The following RNF24 variants were observed in gnomAD, a reference collection of about 807,000 sequenced individuals.
RNF24 encodes the protein ring finger protein 24.
Under a neutral mutation model 20.0 loss-of-function variants are expected in RNF24, and 14 were observed. That is an observed-to-expected ratio of 0.70 (90% CI 0.46 to 1.10). The LOEUF (loss-of-function observed/expected upper bound fraction) is 1.10, where lower values mean the gene tolerates loss of function less well. Ranked by LOEUF, RNF24 falls within the 50% of genes least tolerant of loss-of-function variation. The probability of loss-of-function intolerance (pLI) is 0.00; values close to 1 mark genes in which losing one functional copy is unlikely to be tolerated. For synonymous variants in RNF24, 45 were observed against 61.1 expected (o/e 0.74, Z 1.23); for missense variants, 124 against 177.6 (o/e 0.70, Z 1.71).
chr20:3,985,358 G>T (rs1264336270), intron 1 of RNF24, among the ~76,000 whole-genome samples: 3 of 152,066 alleles, frequency 2.0e-5, no homozygotes, highest in Middle Eastern at 3.4e-3. Flanking sequence ...AGAGTAGCTG[G>T]GCTTATAGAT....
intron 1 of RNF24, among the ~76,000 whole-genome samples, chr20:3,983,732 G>A (rs1568650258): frequency 6.6e-6 from 1 of 151,980 alleles, no homozygotes; most frequent in Non-Finnish European, 1.5e-5. Context: ...CCTGAGGTCA[G>A]ATGTTTGAGA....
At chr20:3,968,408 A>G (rs2091282148) in intron 1 of RNF24, among the ~76,000 whole-genome samples, 1 of 152,216 alleles carries the variant, frequency 6.6e-6, no homozygotes, top group Non-Finnish European at 1.5e-5. Flanking sequence ...CAGGGATTTG[A>G]GACCAGCCTG....
intron 1 of RNF24, among the ~76,000 whole-genome samples, chr20:3,988,739 G>A (rs985900077): frequency 4.6e-5 from 7 of 152,092 alleles, no homozygotes; most frequent in Admixed American, 1.3e-4. Flanking sequence ...GATTACAAGC[G>A]TGAGCCACAG....
Position 3,927,426 on chromosome 20 carries a change from A to G in RNF24, c.*6637T>C, listed in dbSNP as rs1288821632. The stretch of plus-strand genomic sequence containing the variant: ...TAAAATAGCAATTAAATATACAAAA[A>G]TATAGCTTACAAAAAACTGCGAATG... On this transcript the variant is annotated 3_prime_UTR_variant, in exon 6 of 6. Coordinates refer to ENST00000358395, the MANE Select transcript of RNF24 (RefSeq NM_001134337.3). 2 of 152,230 alleles carry G rather than the reference A, an allele frequency of 1.3e-5. No individual in the cohort carries two copies. Among genetic ancestry groups the G allele is most frequent in the Admixed American group, 6.5e-5 (1 of 15,290 alleles). The allele number at this position is 152,230 out of a possible 1,614,324, so 9.4% of individuals were successfully genotyped here. A position where few individuals can be genotyped will look rare whatever the true frequency, so the allele number is the denominator to read the frequency against.
intron 2 of RNF24, among the ~76,000 whole-genome samples, chr20:3,962,368 A>G (rs528339095): frequency 1.4e-4 from 22 of 152,268 alleles, no homozygotes; most frequent in African/African-American, 5.1e-4. Flanking sequence ...AATAATAATA[A>G]TAACAATAAA....
intron 3 of RNF24, among the ~76,000 whole-genome samples, 170 bp downstream of exon 3, chr20:3,948,064 GAGA>G (rs1403706660): frequency 1.3e-5 from 2 of 151,424 alleles, no homozygotes; most frequent in African/African-American, 4.8e-5. Flanking sequence ...AAAAAAAGAA[GAGA>G]AGAATACTTA....
At position 4,007,596 on chromosome 20, in the gene RNF24, T is replaced by C. The variant is rs189434879; in HGVS notation, c.-8+7841A>G. On this transcript the variant is annotated intron_variant, in intron 1 of 5. Transcript: ENST00000358395. ...AGGACTTGGCTTGAAATAAAAATAT[T>C]TTATCAAGTGATCAAAATGATTTAT... Among the ~76,000 whole-genome samples the C allele has an allele frequency of 1.2e-3, 190 of 152,040 alleles. 3 individuals are homozygous for C. In the South Asian group the frequency reaches 0.018, roughly 15 times the overall value.
intron 1 of RNF24, among the ~76,000 whole-genome samples, chr20:3,977,450 T>C (rs1408887386): frequency 6.6e-6 from 1 of 151,340 alleles, no homozygotes; most frequent in African/African-American, 2.4e-5. Context: ...TTCAGCAAAA[T>C]ATAGGGTAAA....
In RNF24 at chr20:3,932,950, T is replaced by C. The variant is rs2090842002; in HGVS notation, c.*1113A>G. On this transcript the variant is annotated 3_prime_UTR_variant, in exon 6 of 6. Transcript: ENST00000358395. ...CAAATACTGAGGCACACACCAACGG[T>C]GGACAGCCCTGCAGGAGCTTCCTGA... The C allele has an allele frequency of 7.5e-6, 3 of 398,236 alleles. No individual in the cohort carries two copies. In the Admixed American group the frequency reaches 1.3e-4, roughly 18 times the overall value. 24.7% of individuals were successfully genotyped at this position (398,236 alleles called of 1,614,324 possible).
chr20:3,980,056 CAG>C (rs1979251179), intron 1 of RNF24, among the ~76,000 whole-genome samples: 1 of 152,082 alleles, frequency 6.6e-6, no homozygotes, highest in East Asian at 1.9e-4. Context: ...AAGAATGAGA[CAG>C]ATAAAAAAAT....
rs114178135 is a variant in RNF24, at chr20:3,927,855, G to C, written c.*6208C>G. 2 of 152,370 alleles carry C rather than the reference G, an allele frequency of 1.3e-5. No homozygotes were observed. The highest frequency in any genetic ancestry group is 3.9e-4 in the East Asian group (2 of 5,184). The allele number at this position is 152,370 out of a possible 1,614,324, so 9.4% of individuals were successfully genotyped here. A position where few individuals can be genotyped will look rare whatever the true frequency, so the allele number is the denominator to read the frequency against. On this transcript the variant is annotated 3_prime_UTR_variant, in exon 6 of 6. Transcript: ENST00000358395. ...CAAACAAGTCTGCTGACACTGGTGG[G>C]GCCCTTACAGTCACAGAAGTAAGGA...
rs151292799 is a variant in RNF24 at position 3,939,193 on chromosome 20, T to C, written c.229-4120A>G. On this transcript the variant is annotated intron_variant, in intron 4 of 5. Transcript: ENST00000358395. ...TTGTTTTTTAGAGACAGAGTCTTGC[T>C]ATGTTGCCCAGGCTGGTCTCAAATT... 9.8e-5 allele frequency among the ~76,000 whole-genome samples: 15 copies of C among 152,346 alleles called. No individual in the cohort carries two copies. The East Asian group carries it at 2.9e-3, about 29-fold the overall frequency.
chr20:3,975,000 A>G (rs563791846), intron 1 of RNF24, among the ~76,000 whole-genome samples: 1 of 152,324 alleles, frequency 6.6e-6, no homozygotes, highest in Non-Finnish European at 1.5e-5. Context: ...AGTCTATTCA[A>G]TGTAAGGACT....
intron 1 of RNF24, among the ~76,000 whole-genome samples, chr20:3,984,189 C>T (rs1195234326): frequency 6.6e-6 from 1 of 151,590 alleles, no homozygotes; most frequent in African/African-American, 2.4e-5. Flanking sequence ...ATGACCAGAT[C>T]ATACCACTGC....
intron 4 of RNF24, among the ~76,000 whole-genome samples, chr20:3,943,980 T>A (rs1600633615): frequency 6.6e-6 from 1 of 151,704 alleles, no homozygotes; most frequent in Non-Finnish European, 1.5e-5. Flanking sequence ...GAGGCCGAGG[T>A]GGGTGGATTA....
At chr20:3,963,434 C>CCA (rs2091224612) in intron 2 of RNF24, among the ~76,000 whole-genome samples, 1 of 152,232 alleles carries the variant, frequency 6.6e-6, no homozygotes, top group Admixed American at 6.5e-5. Context: ...CTTAGGTGAT[C>CCA]CACTCGCCTG....
intron 4 of RNF24, among the ~76,000 whole-genome samples, chr20:3,936,981 T>A (rs241613): frequency 6.6e-6 from 1 of 151,874 alleles, no homozygotes; most frequent in South Asian, 2.1e-4. Context: ...GGACTACAGG[T>A]GCATGCCAAC....
Position 3,934,967 on chromosome 20 carries a change from A to G in RNF24, c.308+27T>C, listed in dbSNP as rs1417073049. The G allele has an allele frequency of 1.2e-6, 2 of 1,601,938 alleles. No individual in the cohort carries two copies. The highest frequency in any genetic ancestry group is 3.3e-5 in the Admixed American group (2 of 60,004). ...TTGATGTGCCTCAAACTCGGGTCCC[A>G]TTAAGTAATTCCATACCAATACTTA... On this transcript the variant is annotated intron_variant, in intron 5 of 5. Transcript: ENST00000358395. This position sits in a 1 kb window ranked among gnomAD's most constrained non-coding sequence, Gnocchi z 4.0.
chr20:3,991,424 T>C (rs990261905), intron 1 of RNF24, among the ~76,000 whole-genome samples: 1 of 152,070 alleles, frequency 6.6e-6, no homozygotes, highest in Middle Eastern at 3.4e-3. Context: ...AGCTAATTTT[T>C]TGTATTTTTA....
Sources: allele counts gnomAD v4.1 joint callset (sites outside exome capture counted in the v4.1 genomes callset), GRCh38; gene constraint gnomAD v4.1.1; non-coding constraint Gnocchi (gnomAD v3.1); transcripts MANE v1.5; gene names NCBI Gene and HGNC (gene_info 2026-07-23, HGNC 2026-07-21).